Variants in LRTM3 observed in about 807,000 individuals in gnomAD.
LRTM3 encodes leucine-rich repeat transmembrane protein 3.
the LRTM3 span, chr13:102,740,629 G>C: frequency 6.5e-7 from 1 of 1,548,598 alleles, no homozygotes; most frequent in Non-Finnish European, 8.7e-7. Context: ...AAGTTAAATA[G>C]TCATAATGTG....
At chr13:102,749,173 T>C in the LRTM3 span, 1 of 1,550,756 alleles carries the variant, frequency 6.4e-7, no homozygotes, top group East Asian at 2.4e-5. Context: ...TGTGACATAC[T>C]GTGATTTGAA....
chr13:102,754,023 T>C, the LRTM3 span, among the ~76,000 whole-genome samples: 1 of 152,008 alleles, frequency 6.6e-6, no homozygotes, highest in Non-Finnish European at 1.5e-5. Flanking sequence ...CTAGCCAACA[T>C]GGTGAAACCC....
At chr13:102,744,914 C>A in the LRTM3 span, 2 of 1,550,524 alleles carry the variant, frequency 1.3e-6, no homozygotes, top group Admixed American at 2.0e-5. Flanking sequence ...GTGCTGTTCC[C>A]CCATACATTT....
the LRTM3 span, chr13:102,743,072 T>A: frequency 6.4e-7 from 1 of 1,550,444 alleles, no homozygotes; most frequent in Non-Finnish European, 8.7e-7. Flanking sequence ...TTTACCAAGA[T>A]GACGATCCTT....
chr13:102,754,942 C>T, the LRTM3 span, among the ~76,000 whole-genome samples: 1 of 152,192 alleles, frequency 6.6e-6, no homozygotes, highest in African/African-American at 2.4e-5. Context: ...ACTTCTGAAA[C>T]CAACCAGTCA....
the LRTM3 span, chr13:102,750,259 T>G: frequency 1.3e-6 from 2 of 1,551,286 alleles, no homozygotes; most frequent in Middle Eastern, 1.7e-4. Flanking sequence ...AGGGACTTAC[T>G]TGATCTTCAC....
At chr13:102,737,343 C>T in the LRTM3 span, 5 of 1,551,042 alleles carry the variant, frequency 3.2e-6, no homozygotes, top group East Asian at 9.8e-5. Flanking sequence ...AAGTCTTCCT[C>T]TCCTTCTTTT....
At chr13:102,755,942 C>CAT in the LRTM3 span, among the ~76,000 whole-genome samples, 19,746 of 52,132 alleles carry the variant, frequency 0.38, 1,730 homozygotes, top group East Asian at 0.55. Flanking sequence ...TATATATATA[C>CAT]ATATATATAT....
At chr13:102,745,075 T>C in the LRTM3 span, 3 of 1,550,884 alleles carry the variant, frequency 1.9e-6, no homozygotes, top group South Asian at 1.2e-5. Context: ...CTCTTTGTAT[T>C]GGCTCTGCAG....
the LRTM3 span, among the ~76,000 whole-genome samples, chr13:102,750,787 T>C: frequency 2.8e-3 from 425 of 152,318 alleles, 3 homozygotes; most frequent in African/African-American, 9.5e-3. Flanking sequence ...ACCAATAGTA[T>C]AAACTAGCTG....
the LRTM3 span, chr13:102,732,655 C>T: frequency 6.4e-7 from 1 of 1,551,184 alleles, no homozygotes; most frequent in Middle Eastern, 1.7e-4. Context: ...ATTCCTCTGC[C>T]TTTAGAGATA....
the LRTM3 span, among the ~76,000 whole-genome samples, chr13:102,755,864 C>A: frequency 1.4e-5 from 2 of 141,932 alleles, no homozygotes; most frequent in South Asian, 2.2e-4. Flanking sequence ...AGTTCTTTTC[C>A]CAAAAAAAGT....
the LRTM3 span, chr13:102,737,644 T>G: frequency 6.4e-7 from 1 of 1,550,718 alleles, no homozygotes. Context: ...CTGGATGCAT[T>G]AAGTCTTTCT....
At chr13:102,739,557 T>C in the LRTM3 span, 1 of 1,550,352 alleles carries the variant, frequency 6.5e-7, no homozygotes, top group East Asian at 2.4e-5. Flanking sequence ...GATTTACCTT[T>C]ACCTTCTTGC....
At chr13:102,735,325 T>C in the LRTM3 span, 30 of 1,551,230 alleles carry the variant, frequency 1.9e-5, no homozygotes, top group Non-Finnish European at 2.6e-5. Flanking sequence ...TTGAAAGTTC[T>C]CCATGGGTTG....
chr13:102,741,021 T>C, the LRTM3 span: 7 of 1,550,248 alleles, frequency 4.5e-6, no homozygotes, highest in Admixed American at 2.0e-5. Context: ...TTCTCTACCA[T>C]TGGGCTTAGA....
At chr13:102,754,283 G>T in the LRTM3 span, among the ~76,000 whole-genome samples, 1 of 147,908 alleles carries the variant, frequency 6.8e-6, no homozygotes, top group East Asian at 2.0e-4. Context: ...TCAGCAGTTT[G>T]CTTTGCTCAC....
the LRTM3 span, chr13:102,740,699 G>A: frequency 6.5e-7 from 1 of 1,548,026 alleles, no homozygotes; most frequent in South Asian, 1.2e-5. Flanking sequence ...AAATAGATCT[G>A]TTTTGGAGTG....
At chr13:102,742,093 T>A in the LRTM3 span, 1,706 of 1,550,532 alleles carry the variant, frequency 1.1e-3, 17 homozygotes, top group African/African-American at 0.018. Flanking sequence ...TCTCCATTTT[T>A]ACTTCTGTAA....
Sources: gnomAD v4.1 joint callset for allele counts (sites outside exome capture counted in the v4.1 genomes callset) on GRCh38, gnomAD v4.1.1 for gene constraint, MANE v1.5 for transcripts, NCBI Gene and HGNC (gene_info 2026-07-23, HGNC 2026-07-21) for gene names.